The following NOS1 variants were observed in gnomAD, a reference collection of about 807,000 sequenced individuals.
The protein encoded by NOS1 is nitric oxide synthase 1.
A neutral mutation model predicts 164.5 loss-of-function variants in NOS1; 51 were observed. That is an observed-to-expected ratio of 0.31 (90% confidence interval 0.25 to 0.39). NOS1 has a LOEUF of 0.39. NOS1 is among the 10% of genes least tolerant of loss of function. The pLI is 1.00. For missense variants in NOS1, 1,362 were observed against 1,885.6 expected, an observed-to-expected ratio of 0.72 and a Z score of 5.14; for synonymous variants, 719 against 745.8, an observed-to-expected ratio of 0.96 and a Z score of 0.59.
chr12:117,222,174 T>TA (rs1403427323), intron 26 of NOS1, among the ~76,000 whole-genome samples: 1 of 152,136 alleles, frequency 6.6e-6, no homozygotes, highest in Non-Finnish European at 1.5e-5. Context: ...ACCACTAATC[T>TA]ACTCTGTCTC....
chr12:117,210,550 A>G lies in NOS1; in HGVS notation c.*4759T>C. The stretch of plus-strand genomic sequence containing the variant: ...CAGGCTAGAAGTCCACAGATTTCCT[A>G]ATGGCAAGAATGAAAAGGCTGCATT... On this transcript the variant is annotated 3_prime_UTR_variant, in exon 29 of 29. Coordinates refer to ENST00000317775, the MANE Select transcript of NOS1 (RefSeq NM_000620.5). 3.0e-6 allele frequency: 3 copies of G among 985,446 alleles called. No individual in the cohort carries two copies. The highest frequency in any genetic ancestry group is 3.6e-6 in the Non-Finnish European group (3 of 829,964). The allele number at this position is 985,446 out of a possible 1,614,324, so 61.0% of individuals were successfully genotyped here. A position where few individuals can be genotyped will look rare whatever the true frequency, so the allele number is the denominator to read the frequency against.
chr12:117,247,879 G>C (rs995850901), intron 17 of NOS1, among the ~76,000 whole-genome samples: 1 of 151,048 alleles, frequency 6.6e-6, no homozygotes, highest in Non-Finnish European at 1.5e-5. Flanking sequence ...CCGGGAGGCG[G>C]AGCTTATAGT....
chr12:117,272,618 T>G lies in NOS1; in HGVS notation c.1665-59A>C. The G allele has an allele frequency of 6.6e-7, 1 of 1,522,214 alleles. No individual in the cohort carries two copies. The highest frequency in any genetic ancestry group is 1.9e-5 in the Admixed American group (1 of 51,560). The allele number at this position is 1,522,214 out of a possible 1,614,324, so 94.3% of individuals were successfully genotyped here. On this transcript the variant is annotated intron_variant, in intron 9 of 28. Coordinates refer to ENST00000317775, the MANE Select transcript of NOS1 (RefSeq NM_000620.5). The surrounding 1 kb of genome is among the most constrained non-coding windows in gnomAD (Gnocchi z 4.3). Reference sequence around the variant, plus strand: ...GCAGGTGTCTCATGGGCGGGACAGCTTGAATCTAGAGATGCTGAAATGCCA... The same window carrying G: ...GCAGGTGTCTCATGGGCGGGACAGCGTGAATCTAGAGATGCTGAAATGCCA...
At chr12:117,307,362 T>C (rs921707103) in intron 3 of NOS1, among the ~76,000 whole-genome samples, 8 of 152,070 alleles carry the variant, frequency 5.3e-5, no homozygotes, top group Non-Finnish European at 1.2e-4. Flanking sequence ...TGCTTTTTTT[T>C]GTTTTGTTTT....
intron 1 of NOS1, among the ~76,000 whole-genome samples, chr12:117,348,890 C>T (rs976857253): frequency 1.3e-5 from 2 of 152,106 alleles, no homozygotes; most frequent in Non-Finnish European, 2.9e-5. Context: ...AGCACAGTAG[C>T]GGAGAAAGTG....
At chr12:117,319,225 A>C (rs1874800836) in intron 2 of NOS1, among the ~76,000 whole-genome samples, 1 of 143,908 alleles carries the variant, frequency 6.9e-6, no homozygotes, top group African/African-American at 2.7e-5. Flanking sequence ...CTAGTTTTTA[A>C]AATTTTTTGT....
chr12:117,321,898 A>ATCCTTCCTTCCTTCCCTCCCTCCC (rs1874945221), intron 2 of NOS1, among the ~76,000 whole-genome samples: 1 of 150,110 alleles, frequency 6.7e-6, no homozygotes, highest in South Asian at 2.1e-4. Flanking sequence ...GGGGAACAGA[A>ATCCTTCCTTCCTTCCCTCCCTCCC]TCCTTCCTTC....
In NOS1 at chr12:117,324,520, A is replaced by G. The variant is rs1245350546; in HGVS notation, c.725+5825T>C. On this transcript the variant is annotated intron_variant, in intron 2 of 28. Coordinates refer to ENST00000317775, the MANE Select transcript of NOS1 (RefSeq NM_000620.5). ...TGAGGCGGGCGGATAATTTGAGGCT[A>G]GGAGTTTGAGACCAGCCTGGGCAAC... is the stretch of plus-strand genomic sequence containing the variant. Among the ~76,000 whole-genome samples, 4 of 152,140 alleles carry G rather than the reference A, an allele frequency of 2.6e-5. No individual in the cohort carries two copies. In the East Asian group the frequency reaches 7.7e-4, roughly 29 times the overall value.
chr12:117,230,207 C>T (rs1241180040), intron 22 of NOS1, among the ~76,000 whole-genome samples: 1 of 152,242 alleles, frequency 6.6e-6, no homozygotes, highest in Non-Finnish European at 1.5e-5. Flanking sequence ...AGCCACTGTG[C>T]CCAAATTCTG....
rs999942391 is a variant in NOS1 at position 117,330,371 on chromosome 12, C to A, written c.699G>T (p.Met233Ile). The change falls in exon 2 of 29, where the codon ATG (methionine) becomes ATT (isoleucine). Residue 233 changes from methionine to isoleucine, a missense_variant. Transcript: ENST00000317775. This position sits in a 1 kb window ranked among gnomAD's most constrained non-coding sequence, Gnocchi z 4.6. ...TGTCCACCTGGATTCCCATATCTTT[C>A]ATCTCTGCCTTGGCAGGTGCCCCTC... Reference protein sequence around the residue: ...VKGGAPAKAEMKDMGIQVDRD... With the variant: ...VKGGAPAKAEIKDMGIQVDRD... The A allele has an allele frequency of 6.2e-7, 1 of 1,613,560 alleles. No homozygotes were observed.
intron 1 of NOS1, among the ~76,000 whole-genome samples, chr12:117,331,982 C>T (rs1412982352): frequency 2.0e-5 from 3 of 152,190 alleles, no homozygotes; most frequent in African/African-American, 7.2e-5. Context: ...TCCATGTACA[C>T]AATGATGACG....
chr12:117,242,334 C>A (rs74634404), intron 20 of NOS1, among the ~76,000 whole-genome samples: 1 of 152,236 alleles, frequency 6.6e-6, no homozygotes, highest in African/African-American at 2.4e-5. Flanking sequence ...TGTGGTACAA[C>A]GAACATGTGG....
intron 24 of NOS1, among the ~76,000 whole-genome samples, chr12:117,225,742 C>T (rs371939875): frequency 3.3e-5 from 5 of 152,126 alleles, no homozygotes; most frequent in South Asian, 4.1e-4. Context: ...TCTCCTGTCT[C>T]GGCCTCCCAA....
At chr12:117,238,480 C>T (rs1002644032) in intron 20 of NOS1, among the ~76,000 whole-genome samples, 1 of 151,960 alleles carries the variant, frequency 6.6e-6, no homozygotes, top group Non-Finnish European at 1.5e-5. Context: ...CTCCAGGACC[C>T]CTCTGTGCAG....
Position 117,356,668 on chromosome 12 carries a change from G to C in NOS1, c.-421+4844C>G, listed in dbSNP as rs113396703. Among the ~76,000 whole-genome samples the C allele has an allele frequency of 6.6e-6, 1 of 152,192 alleles. No homozygotes were observed. The highest frequency in any genetic ancestry group is 2.1e-4 in the South Asian group (1 of 4,830). ...TGACGTCTGCTGCCGAACAGCCCAC[G>C]ATAACTGCTGTTCATCCTTAGCATC... On this transcript the variant is annotated intron_variant, in intron 1 of 28. Coordinates refer to ENST00000317775, the MANE Select transcript of NOS1 (RefSeq NM_000620.5). The surrounding 1 kb of genome is among the most constrained non-coding windows in gnomAD (Gnocchi z 4.2).
chr12:117,334,142 A>C (rs1462743174), intron 1 of NOS1, among the ~76,000 whole-genome samples: 1 of 152,214 alleles, frequency 6.6e-6, no homozygotes, highest in Non-Finnish European at 1.5e-5. Flanking sequence ...AGCAATTGGC[A>C]ACAGCCCCTG....
intron 1 of NOS1, among the ~76,000 whole-genome samples, chr12:117,348,813 T>A (rs1363036363): frequency 6.6e-6 from 1 of 152,164 alleles, no homozygotes. Context: ...ACTGACAAAC[T>A]GTCACAGATC....
At chr12:117,345,530 T>C (rs1239021794) in intron 1 of NOS1, among the ~76,000 whole-genome samples, 1 of 152,158 alleles carries the variant, frequency 6.6e-6, no homozygotes, top group Admixed American at 6.6e-5. Flanking sequence ...TCAAAGTAAA[T>C]GTTTAAACAA....
Position 117,260,104 on chromosome 12 carries a change from G to A in NOS1, c.2367+361C>T, listed in dbSNP as rs9658425. 5.8e-3 allele frequency among the ~76,000 whole-genome samples: 797 copies of A among 138,556 alleles called. 6 individuals are homozygous for A. Among genetic ancestry groups the A allele is most frequent in the African/African-American group, 0.02 (757 of 37,122 alleles). 90.9% of individuals were successfully genotyped at this position (138,556 alleles called of 152,430 possible). A position where few individuals can be genotyped will look rare whatever the true frequency, so the allele number is the denominator to read the frequency against. ...ACTGCACTCCAGCCTGGGTGACAGA[G>A]TGAAACTCCTTCTCAAAAAAAAAAA... On this transcript the variant is annotated intron_variant, in intron 14 of 28. Coordinates refer to ENST00000317775, the MANE Select transcript of NOS1 (RefSeq NM_000620.5).
Sources: allele counts gnomAD v4.1 joint callset (sites outside exome capture counted in the v4.1 genomes callset), GRCh38; gene constraint gnomAD v4.1.1; non-coding constraint Gnocchi (gnomAD v3.1); transcripts MANE v1.5; gene names NCBI Gene and HGNC (gene_info 2026-07-23, HGNC 2026-07-21).